KCNQ2: variants seen among roughly 807,000 people sequenced by gnomAD.
The protein encoded by KCNQ2 is potassium voltage-gated channel subfamily KQT member 2.
Under a neutral mutation model 84.8 loss-of-function variants are expected in KCNQ2, and 14 were observed. The ratio of observed to expected loss-of-function variants is 0.17; its 90% CI spans 0.11 to 0.26. The LOEUF is 0.26. Among genes scored for constraint, KCNQ2 ranks in the 10% least tolerant of loss-of-function variants. The pLI is 1.00. For missense variants in KCNQ2, 788 were observed against 1,254.0 expected, an observed-to-expected ratio of 0.63 and a Z score of 5.61; for synonymous variants, 599 against 554.1, an observed-to-expected ratio of 1.08 and a Z score of -1.14.
At chr20:63,417,517 G>A (rs548735235) in intron 12 of KCNQ2, among the ~76,000 whole-genome samples, 3 of 152,248 alleles carry the variant, frequency 2.0e-5, no homozygotes, top group Admixed American at 6.5e-5. Flanking sequence ...CTGTAGCTTC[G>A]GGGCTGCCCT....
At chr20:63,435,528 A>T (rs1023973790) in intron 7 of KCNQ2, among the ~76,000 whole-genome samples, 20 of 152,198 alleles carry the variant, frequency 1.3e-4, no homozygotes, top group Non-Finnish European at 2.2e-4. Context: ...CTTGGGATGG[A>T]CGGTGAACAC....
In KCNQ2 at chr20:63,415,144, G is replaced by GACAGACAA. The variant is rs765336709; in HGVS notation, c.1302-19_1302-18insTTGTCTGT. Reference sequence around the variant, plus strand: ...CCTTCTGGCTGCTCCCACGGGAACCGACAGACAGACAGAAAAACAGGGAGA... The same window carrying GACAGACAA: ...CCTTCTGGCTGCTCCCACGGGAACCGACAGACAAACAGACAGACAGAAAAACAGGGAGA... On this transcript the variant is annotated intron_variant, in intron 12 of 16. Transcript: ENST00000359125. 1.7e-5 allele frequency: 24 copies of GACAGACAA among 1,405,276 alleles called. No individual in the cohort carries two copies. The Admixed American group carries it at 4.1e-4, about 24-fold the overall frequency. The allele number at this position is 1,405,276 out of a possible 1,614,324, so 87.1% of individuals were successfully genotyped here. A position where few individuals can be genotyped will look rare whatever the true frequency, so the allele number is the denominator to read the frequency against.
chr20:63,455,819 C>T (rs1271288676), intron 1 of KCNQ2, among the ~76,000 whole-genome samples: 1 of 144,734 alleles, frequency 6.9e-6, no homozygotes, highest in Non-Finnish European at 1.5e-5. Context: ...CTCCGGGAGG[C>T]CCCTCTGCTC....
chr20:63,443,132 CCA>C (rs1600775027), intron 4 of KCNQ2, among the ~76,000 whole-genome samples: 6 of 96,266 alleles, frequency 6.2e-5, no homozygotes, highest in African/African-American at 1.2e-4. Context: ...ACCACCACCA[CCA>C]TCATCACCAC....
At position 63,414,274 on chromosome 20, in the gene KCNQ2, G is replaced by T; in HGVS notation, c.1526-81C>A. On this transcript the variant is annotated intron_variant, in intron 13 of 16. Coordinates refer to ENST00000359125, the MANE Select transcript of KCNQ2 (RefSeq NM_172107.4). This position sits in a 1 kb window ranked among gnomAD's most constrained non-coding sequence, Gnocchi z 6.6. ...GGGGTCCTGCAGGGCACACCGGCTAGACAGAGCGCCAGGGAGCCCCTCGAG... is the reference window on the plus strand; with the variant it reads ...GGGGTCCTGCAGGGCACACCGGCTATACAGAGCGCCAGGGAGCCCCTCGAG... The T allele has an allele frequency of 9.5e-7, 1 of 1,047,860 alleles. No homozygotes were observed. The highest frequency in any genetic ancestry group is 1.5e-6 in the Non-Finnish European group (1 of 677,288). The allele number at this position is 1,047,860 out of a possible 1,614,324, so 64.9% of individuals were successfully genotyped here.
chr20:63,404,287 G>A lies in KCNQ2; in HGVS notation c.*2357C>T, dbSNP rs1040349541. On this transcript the variant is annotated 3_prime_UTR_variant, in exon 17 of 17. Coordinates refer to ENST00000359125, the MANE Select transcript of KCNQ2 (RefSeq NM_172107.4). ...GAGCAGGTGGGGCCATACTGGGAGGGAGGAAAGAGCAGGTGGGGTCACACC... is the reference window on the plus strand; with the variant it reads ...GAGCAGGTGGGGCCATACTGGGAGGAAGGAAAGAGCAGGTGGGGTCACACC... 2.0e-5 allele frequency: 3 copies of A among 152,224 alleles called. No individual in the cohort carries two copies. Among genetic ancestry groups the A allele is most frequent in the Non-Finnish European group, 4.4e-5 (3 of 68,166 alleles). 9.4% of individuals were successfully genotyped at this position (152,224 alleles called of 1,614,324 possible). A position where few individuals can be genotyped will look rare whatever the true frequency, so the allele number is the denominator to read the frequency against.
At chr20:63,456,476 T>G (rs1165659107) in intron 1 of KCNQ2, among the ~76,000 whole-genome samples, 5 of 152,118 alleles carry the variant, frequency 3.3e-5, no homozygotes. Context: ...TTTAGTTAAA[T>G]GAAAACGGAA....
chr20:63,435,396 C>CAA (rs34121251), intron 7 of KCNQ2, among the ~76,000 whole-genome samples: 15 of 146,564 alleles, frequency 1.0e-4, no homozygotes, highest in African/African-American at 3.8e-4. Context: ...TCAACAACAA[C>CAA]AAAAAAAAAA....
At chr20:63,457,704 G>A (rs964258887) in intron 1 of KCNQ2, among the ~76,000 whole-genome samples, 10 of 152,232 alleles carry the variant, frequency 6.6e-5, no homozygotes, top group African/African-American at 2.4e-4. Context: ...CGCAGCAGAC[G>A]CCCAAGGCCC....
At position 63,404,315 on chromosome 20, in the gene KCNQ2, G is replaced by A. The variant is rs997350507; in HGVS notation, c.*2329C>T. Reference sequence around the variant, plus strand: ...GAAAGAGCAGGTGGGGTCACACCTCGGCAGGGGAGGAAAGAACAGGTGGGG... The same window carrying A: ...GAAAGAGCAGGTGGGGTCACACCTCAGCAGGGGAGGAAAGAACAGGTGGGG... On this transcript the variant is annotated 3_prime_UTR_variant, in exon 17 of 17. Transcript: ENST00000359125. 6.6e-6 allele frequency: 1 copy of A among 150,648 alleles called. No individual in the cohort carries two copies. Among genetic ancestry groups the A allele is most frequent in the Non-Finnish European group, 1.5e-5 (1 of 67,834 alleles). The allele number at this position is 150,648 out of a possible 1,614,324, so 9.3% of individuals were successfully genotyped here. A position where few individuals can be genotyped will look rare whatever the true frequency, so the allele number is the denominator to read the frequency against.
At chr20:63,434,214 TG>T (rs1040661501) in intron 7 of KCNQ2, 37 of 410,646 alleles carry the variant, frequency 9.0e-5, no homozygotes, top group Admixed American at 7.6e-4. Context: ...GACTCTTACC[TG>T]GCCCCTGGCG....
At chr20:63,429,395 G>A (rs1208191498) in intron 9 of KCNQ2, among the ~76,000 whole-genome samples, 1 of 151,978 alleles carries the variant, frequency 6.6e-6, no homozygotes, top group African/African-American at 2.4e-5. Context: ...ACTCCCCACT[G>A]GGGCCACGTC....
chr20:63,461,268 A>T (rs1210286256), intron 1 of KCNQ2, among the ~76,000 whole-genome samples: 1 of 152,170 alleles, frequency 6.6e-6, no homozygotes, highest in Non-Finnish European at 1.5e-5. Flanking sequence ...TCTTCACGTG[A>T]TCTTAACTCA....
chr20:63,420,633 C>T (rs955094548), intron 11 of KCNQ2, among the ~76,000 whole-genome samples: 2 of 152,158 alleles, frequency 1.3e-5, no homozygotes, highest in African/African-American at 2.4e-5. Context: ...TGTCCCTGCA[C>T]GCACCCGCAG....
In KCNQ2 at chr20:63,406,587, C is replaced by T; in HGVS notation, c.*57G>A. On this transcript the variant is annotated 3_prime_UTR_variant, in exon 17 of 17. Coordinates refer to ENST00000359125, the MANE Select transcript of KCNQ2 (RefSeq NM_172107.4). Reference sequence around the variant, plus strand: ...GCCCCAGAGGGTTCCCGCCTCAAAACCTCGGAGGCACCGTGCTGAGGAGGG... The same window carrying T: ...GCCCCAGAGGGTTCCCGCCTCAAAATCTCGGAGGCACCGTGCTGAGGAGGG... The T allele has an allele frequency of 6.6e-7, 1 of 1,520,174 alleles. No homozygotes were observed. Among genetic ancestry groups the T allele is most frequent in the Non-Finnish European group, 8.8e-7 (1 of 1,141,138 alleles). The allele number at this position is 1,520,174 out of a possible 1,614,324, so 94.2% of individuals were successfully genotyped here.
chr20:63,444,856 G>A (rs749842230), intron 3 of KCNQ2, 22 bp from the exon 4 acceptor site: 14 of 1,571,952 alleles, frequency 8.9e-6, no homozygotes, highest in Middle Eastern at 1.7e-4. Context: ...GCGTGGAGCT[G>A]GTGAGCTGCT....
At chr20:63,463,237 G>C (rs2082001536) in intron 1 of KCNQ2, among the ~76,000 whole-genome samples, 1 of 152,066 alleles carries the variant, frequency 6.6e-6, no homozygotes, top group African/African-American at 2.4e-5. Context: ...ACTCAGCCTG[G>C]GCCACAGAGC....
At chr20:63,443,418 CCACCATCAT>C (rs1568937816) in intron 4 of KCNQ2, among the ~76,000 whole-genome samples, 44 of 42,652 alleles carry the variant, frequency 1.0e-3, no homozygotes, top group East Asian at 2.0e-3. Flanking sequence ...ATCACCATCA[CCACCATCAT>C]CACCATCACC....
intron 7 of KCNQ2, among the ~76,000 whole-genome samples, chr20:63,436,748 G>A (rs971118267): frequency 2.7e-5 from 4 of 150,786 alleles, no homozygotes; most frequent in Non-Finnish European, 4.4e-5. Context: ...TGCACACTTA[G>A]TAAGCTATGG....
Sources: allele counts gnomAD v4.1 joint callset (sites outside exome capture counted in the v4.1 genomes callset), GRCh38; gene constraint gnomAD v4.1.1; non-coding constraint Gnocchi (gnomAD v3.1); transcripts MANE v1.5; gene names NCBI Gene and HGNC (gene_info 2026-07-23, HGNC 2026-07-21).